Variants in DIP2A observed in about 807,000 individuals in gnomAD.
DIP2A encodes DIP2 acetate--CoA ligase A.
DIP2A carries 85 observed loss-of-function variants against 177.4 expected under a neutral mutation model. The observed-to-expected ratio is 0.48, with a 90% confidence interval of 0.40 to 0.57. The LOEUF is 0.57. Ranked by LOEUF, DIP2A falls within the 20% of genes least tolerant of loss-of-function variation. DIP2A has a pLI of 0.00. For synonymous variants in DIP2A, 886 were observed against 881.8 expected, an observed-to-expected ratio of 1.00 and a Z score of -0.08; for missense variants, 1,791 against 2,100.2, an observed-to-expected ratio of 0.85 and a Z score of 2.88.
chr21:46,459,180 G>C lies in DIP2A; in HGVS notation c.49G>C (p.Val17Leu), dbSNP rs924678623. The change falls in exon 1 of 38, where the codon GTG (valine) becomes CTG (leucine). Residue 17 changes from valine (V) to leucine (L), a missense_variant. Physicochemically the swap from Val to Leu is conservative, Grantham distance 32. Transcript: ENST00000417564. ...GGAGGCGGCGCCGCTGCCTGCCGAG[G>C]TGCGGGAGAGCCTGGCTGAGCTGGA... ...PLEAAPLPAEVRESLAELELE... is the reference protein window; with the variant it reads ...PLEAAPLPAELRESLAELELE... 103 of 1,524,808 alleles carry C rather than the reference G, an allele frequency of 6.8e-5. No individual in the cohort carries two copies. Among genetic ancestry groups the C allele is most frequent in the Non-Finnish European group, 9.0e-5 (102 of 1,136,800 alleles). The allele number at this position is 1,524,808 out of a possible 1,614,324, so 94.5% of individuals were successfully genotyped here. A position where few individuals can be genotyped will look rare whatever the true frequency, so the allele number is the denominator to read the frequency against.
Position 46,491,252 on chromosome 21 carries a change from T to C in DIP2A, c.283+533T>C, listed in dbSNP as rs902784054. On this transcript the variant is annotated intron_variant, in intron 3 of 37. Coordinates refer to ENST00000417564, the MANE Select transcript of DIP2A (RefSeq NM_015151.4). ...AATTCACATTTTCTATTATAGTTTA[T>C]ATATTAATAACTTGAGCACGTTATC... Among the ~76,000 whole-genome samples, 3 of 149,044 alleles carry C rather than the reference T, an allele frequency of 2.0e-5. No homozygotes were observed. The Admixed American group carries it at 2.0e-4, about 10-fold the overall frequency.
intron 8 of DIP2A, among the ~76,000 whole-genome samples, chr21:46,512,356 A>G (rs1418930985): frequency 2.0e-5 from 3 of 152,174 alleles, no homozygotes; most frequent in Non-Finnish European, 2.9e-5. Context: ...CAGCATTAGG[A>G]CATACTGCCA....
chr21:46,486,358 C>T (rs1268842389), intron 2 of DIP2A, among the ~76,000 whole-genome samples: 1 of 152,134 alleles, frequency 6.6e-6, no homozygotes, highest in Non-Finnish European at 1.5e-5. Flanking sequence ...GTGTGCACCA[C>T]CACGCCCAGC....
intron 18 of DIP2A, among the ~76,000 whole-genome samples, chr21:46,543,550 G>GGCACTCCCCCAGGCATGCACGTA (rs141375551): frequency 1.3e-5 from 2 of 149,260 alleles, no homozygotes; most frequent in Admixed American, 1.3e-4. Flanking sequence ...CGCTCCCCCA[G>GGCACTCCCCCAGGCATGCACGTA]GCACTCCCCC....
At chr21:46,528,239 TATTAA>T (rs1331483338) in intron 8 of DIP2A, among the ~76,000 whole-genome samples, 3 of 152,146 alleles carry the variant, frequency 2.0e-5, no homozygotes, top group East Asian at 3.8e-4. Context: ...AAATTTAACA[TATTAA>T]ATTAGGAATT....
chr21:46,554,359 C>CT (rs1162850236), intron 26 of DIP2A, 67 bp downstream of exon 26: 2 of 1,587,968 alleles, frequency 1.3e-6, no homozygotes, highest in Non-Finnish European at 1.7e-6. Flanking sequence ...AAGCAGCCCC[C>CT]TAGACACTCC....
chr21:46,478,472 A>G (rs1406004860), intron 1 of DIP2A, among the ~76,000 whole-genome samples: 1 of 152,136 alleles, frequency 6.6e-6, no homozygotes, highest in African/African-American at 2.4e-5. Context: ...TCGGCCTCCC[A>G]AAGTGCTGGG....
intron 21 of DIP2A, among the ~76,000 whole-genome samples, chr21:46,549,364 C>T (rs1028234139): frequency 6.6e-5 from 10 of 152,094 alleles, no homozygotes; most frequent in African/African-American, 2.2e-4. Context: ...AGTAAAAACA[C>T]GTCTAAATAT....
chr21:46,503,292 C>T (rs1475590331), intron 5 of DIP2A, among the ~76,000 whole-genome samples: 1 of 142,668 alleles, frequency 7.0e-6, no homozygotes, highest in African/African-American at 2.6e-5. Context: ...CACTGCACTC[C>T]AGTCTGGGCA....
chr21:46,567,091 C>G (rs2060859495), intron 37 of DIP2A, among the ~76,000 whole-genome samples: 1 of 152,248 alleles, frequency 6.6e-6, no homozygotes, highest in South Asian at 2.1e-4. Flanking sequence ...GAGTTTCTCA[C>G]ATGGTTGTGA....
intron 20 of DIP2A, chr21:46,546,217 A>G (rs1185348603): frequency 1.5e-6 from 2 of 1,295,916 alleles, no homozygotes; most frequent in South Asian, 2.5e-5. Flanking sequence ...TGCTTTTTAT[A>G]TGGAGTGGCA....
chr21:46,544,804 C>T (rs2059961781), intron 18 of DIP2A, among the ~76,000 whole-genome samples: 1 of 152,026 alleles, frequency 6.6e-6, no homozygotes, highest in East Asian at 1.9e-4. Flanking sequence ...CAGCAGCACC[C>T]CATGTGGACC....
rs1308837125 is a variant in DIP2A at position 46,533,506 on chromosome 21, T to G, written c.1306-18T>G. On this transcript the variant is annotated intron_variant, in intron 10 of 37. Transcript: ENST00000417564. ...GCTGTGAGCACCCCACCCCACACGG[T>G]CACTCTGCTTTCTGCAGGATGCAGG... 8 of 1,610,470 alleles carry G rather than the reference T, an allele frequency of 5.0e-6. No individual in the cohort carries two copies. The highest frequency in any genetic ancestry group is 2.7e-5 in the African/African-American group (2 of 74,872).
Position 46,567,677 on chromosome 21 carries a change from G to A in DIP2A, c.*55G>A. On this transcript the variant is annotated 3_prime_UTR_variant, in exon 38 of 38. Coordinates refer to ENST00000417564, the MANE Select transcript of DIP2A (RefSeq NM_015151.4). ...TGAATGAGCCCCAGCAGTCCAAGGTGTGATGTGGGAAGACACCGCAGAGCT... is the reference window on the plus strand; with the variant it reads ...TGAATGAGCCCCAGCAGTCCAAGGTATGATGTGGGAAGACACCGCAGAGCT... 2 of 1,539,074 alleles carry A rather than the reference G, an allele frequency of 1.3e-6. No individual in the cohort carries two copies. The highest frequency in any genetic ancestry group is 1.9e-5 in the Admixed American group (1 of 51,412).
At chr21:46,578,555 C>T in the DIP2A span, among the ~76,000 whole-genome samples, 1 of 152,162 alleles carries the variant, frequency 6.6e-6, no homozygotes, top group African/African-American at 2.4e-5. Context: ...GGGAATGCTT[C>T]CAGCTTTTGC....
chr21:46,508,445 G>A (rs1376374501), intron 6 of DIP2A, among the ~76,000 whole-genome samples: 2 of 138,380 alleles, frequency 1.4e-5, no homozygotes, highest in African/African-American at 2.7e-5. Flanking sequence ...TGCAAGCTCC[G>A]CCTCCCGGGT....
intron 6 of DIP2A, among the ~76,000 whole-genome samples, chr21:46,506,702 T>C (rs2058003013): frequency 7.8e-6 from 1 of 128,204 alleles, no homozygotes; most frequent in Non-Finnish European, 1.6e-5. Context: ...TTTGGCCTAT[T>C]TTTTTTTTTA....
At chr21:46,564,540 G>A (rs1006891552) in intron 35 of DIP2A, among the ~76,000 whole-genome samples, 6 of 143,686 alleles carry the variant, frequency 4.2e-5, no homozygotes, top group African/African-American at 1.7e-4. Context: ...GCAGCTTGAC[G>A]TGCAGTCCCG....
chr21:46,480,990 A>G (rs1260602571), intron 1 of DIP2A, among the ~76,000 whole-genome samples: 2 of 152,190 alleles, frequency 1.3e-5, no homozygotes, highest in Admixed American at 6.5e-5. Flanking sequence ...GCTTGAGCCC[A>G]GAAGTTGGAG....
Sources: allele counts gnomAD v4.1 joint callset (sites outside exome capture counted in the v4.1 genomes callset), GRCh38; gene constraint gnomAD v4.1.1; transcripts MANE v1.5; gene names NCBI Gene and HGNC (gene_info 2026-07-23, HGNC 2026-07-21).